Variants in DNAH8 observed in about 807,000 individuals in gnomAD.
The protein encoded by DNAH8 is axonemal beta dynein heavy chain 8.
A neutral mutation model predicts 562.1 loss-of-function variants in DNAH8; 382 were observed. That is an observed-to-expected ratio of 0.68 (90% CI 0.63 to 0.74). DNAH8 has a LOEUF of 0.74. DNAH8 is among the 30% of genes least tolerant of loss of function. The pLI, the probability that DNAH8 is intolerant of heterozygous loss-of-function variation, is 0.00. For synonymous variants in DNAH8, 1,881 were observed against 1,919.4 expected, an observed-to-expected ratio of 0.98 and a Z score of 0.52; for missense variants, 5,203 against 5,620.4, an observed-to-expected ratio of 0.93 and a Z score of 2.37.
chr6:38,745,786 T>C (rs1430053216), intron 8 of DNAH8, among the ~76,000 whole-genome samples: 1 of 152,192 alleles, frequency 6.6e-6, no homozygotes, highest in Non-Finnish European at 1.5e-5. Context: ...GTCAGTTATT[T>C]AGGAGAATGT....
At chr6:38,941,972 C>T (rs892257720) in intron 79 of DNAH8, among the ~76,000 whole-genome samples, 17 of 152,174 alleles carry the variant, frequency 1.1e-4, no homozygotes, top group African/African-American at 3.9e-4. Flanking sequence ...GTAGAGCTCT[C>T]GTGAATGGGG....
At chr6:38,838,897 G>A (rs892541655) in intron 33 of DNAH8, among the ~76,000 whole-genome samples, 23 of 152,196 alleles carry the variant, frequency 1.5e-4, no homozygotes, top group African/African-American at 5.3e-4. Flanking sequence ...TACAGTGATA[G>A]TATTAGCTCA....
chr6:38,889,567 T>C (rs938366725), intron 57 of DNAH8, among the ~76,000 whole-genome samples: 1 of 152,188 alleles, frequency 6.6e-6, no homozygotes, highest in Admixed American at 6.5e-5. Flanking sequence ...TTTAAACAAA[T>C]ACGGAAAACA....
intron 65 of DNAH8, 34 bp downstream of exon 65, chr6:38,909,778 A>T: frequency 6.5e-7 from 1 of 1,535,298 alleles, no homozygotes; most frequent in African/African-American, 1.4e-5. Context: ...ATCGCTATGG[A>T]ACCACAGCAT....
In DNAH8 at chr6:38,830,337, A is replaced by G. The variant is rs940258331; in HGVS notation, c.4189-1985A>G. On this transcript the variant is annotated intron_variant, in intron 30 of 92. Transcript: ENST00000327475. The stretch of plus-strand genomic sequence containing the variant: ...ATTTATACACCAAAATTAGACATTA[A>G]AAATGAACTCCAAGGGGCCAGGCAT... Among the ~76,000 whole-genome samples the G allele has an allele frequency of 7.2e-5, 11 of 152,132 alleles. No homozygotes were observed. The South Asian group carries it at 2.1e-3, about 29-fold the overall frequency.
chr6:38,742,380 C>T (rs547186846), intron 8 of DNAH8, among the ~76,000 whole-genome samples: 1 of 152,242 alleles, frequency 6.6e-6, no homozygotes, highest in Admixed American at 6.5e-5. Context: ...TCACTGCAGC[C>T]TCCACCTCCC....
Position 38,866,877 on chromosome 6 carries a change from G to A in DNAH8, c.6693+1G>A, listed in dbSNP as rs979210839. On this transcript the variant is annotated splice_donor_variant, in intron 47 of 92. Transcript: ENST00000327475. LOFTEE classifies it high-confidence loss of function. ...CTGTGAAGAGCAACTTACTAAACAG[G>A]TAACTTTATAGATCTGCTTTCCTCC... 2 of 1,579,138 alleles carry A rather than the reference G, an allele frequency of 1.3e-6. No individual in the cohort carries two copies. The highest frequency in any genetic ancestry group is 1.7e-6 in the Non-Finnish European group (2 of 1,150,894).
chr6:38,760,626 G>C (rs1766400920), intron 10 of DNAH8, among the ~76,000 whole-genome samples: 1 of 152,152 alleles, frequency 6.6e-6, no homozygotes, highest in Non-Finnish European at 1.5e-5. Context: ...GTTGAAATGT[G>C]ATCCTCAGTG....
chr6:38,794,779 C>T (rs1738241), intron 21 of DNAH8, among the ~76,000 whole-genome samples: 64,765 of 151,942 alleles, frequency 0.43, 14,884 homozygotes, highest in East Asian at 0.84. Flanking sequence ...TTACATAATA[C>T]GGATTTAGTA....
intron 11 of DNAH8, chr6:38,763,075 G>A (rs867792570): frequency 5.5e-6 from 2 of 366,182 alleles, no homozygotes; most frequent in Non-Finnish European, 1.1e-5. Flanking sequence ...ATCATGGAAA[G>A]CAGCCAGTGA....
intron 26 of DNAH8, among the ~76,000 whole-genome samples, chr6:38,820,847 G>A (rs921785457): frequency 6.6e-6 from 1 of 152,164 alleles, no homozygotes; most frequent in African/African-American, 2.4e-5. Context: ...TCTGGGAATA[G>A]AATTGAACTT....
intron 91 of DNAH8, among the ~76,000 whole-genome samples, chr6:39,023,486 C>G (rs1194541207): frequency 2.0e-5 from 3 of 152,090 alleles, no homozygotes; most frequent in Non-Finnish European, 2.9e-5. Flanking sequence ...GAGCGAGACA[C>G]CGTCTAAAAA....
rs1187828600 is a variant in DNAH8, at chr6:38,925,920, C to T, written c.10963-135C>T. The stretch of plus-strand genomic sequence containing the variant: ...TCACATTTACAAGTTTGCTTTTTTT[C>T]GAAGTACAAGTTGCATAGTCTCAAA... On this transcript the variant is annotated intron_variant, in intron 73 of 92. Coordinates refer to ENST00000327475, the MANE Select transcript of DNAH8 (RefSeq NM_001206927.2). 19 of 776,186 alleles carry T rather than the reference C, an allele frequency of 2.4e-5. No individual in the cohort carries two copies. In the South Asian group the frequency reaches 2.9e-4, roughly 12 times the overall value. The allele number at this position is 776,186 out of a possible 1,614,324, so 48.1% of individuals were successfully genotyped here.
At chr6:38,976,471 TA>T (rs1208379534) in intron 85 of DNAH8, among the ~76,000 whole-genome samples, 2 of 152,240 alleles carry the variant, frequency 1.3e-5, no homozygotes, top group African/African-American at 2.4e-5. Context: ...TTTGTGTAAA[TA>T]TTTTTTTTAC....
chr6:39,013,553 T>C (rs1338190764), intron 91 of DNAH8, among the ~76,000 whole-genome samples: 1 of 152,158 alleles, frequency 6.6e-6, no homozygotes, highest in Non-Finnish European at 1.5e-5. Flanking sequence ...GGGCAGTGAT[T>C]AGAAAAAGGC....
At chr6:38,890,864 GT>G in intron 58 of DNAH8, 103 bp downstream of exon 58, 3 of 769,412 alleles carry the variant, frequency 3.9e-6, no homozygotes, top group Non-Finnish European at 6.5e-6. Flanking sequence ...ATATAGTGGT[GT>G]TTTTTGGAAA....
At chr6:39,009,301 T>C (rs12524405) in intron 89 of DNAH8, among the ~76,000 whole-genome samples, 14,797 of 148,720 alleles carry the variant, frequency 0.099, 840 homozygotes, top group Admixed American at 0.18. Context: ...TAAGCTGTGC[T>C]AAAAAAAAAA....
intron 58 of DNAH8, among the ~76,000 whole-genome samples, chr6:38,891,874 C>G (rs1475929084): frequency 6.6e-6 from 1 of 152,200 alleles, no homozygotes; most frequent in African/African-American, 2.4e-5. Context: ...TTCTTTACCT[C>G]TTTAATCCAT....
At position 38,789,803 on chromosome 6, in the gene DNAH8, G is replaced by C; in HGVS notation, c.2584G>C (p.Gly862Arg). Residue 862 changes from glycine (G) to arginine (R), a missense_variant and splice_region_variant, in exon 19 of 93, where the codon GGT (glycine) becomes CGT (arginine). Physicochemically the swap from Gly to Arg is moderately radical, Grantham distance 125. Transcript: ENST00000327475. ...AACATGCCATTTCAACTTCCTACAG[G>C]GTCTTCTGCAATATTATGATGAGTT... is the stretch of plus-strand genomic sequence containing the variant. ...KLKADKLYLQ[G>R]LLQYYDELCQ... is the part of the protein sequence containing the mutation. 6.2e-7 allele frequency: 1 copy of C among 1,601,828 alleles called. No homozygotes were observed. Among genetic ancestry groups the C allele is most frequent in the Middle Eastern group, 1.7e-4 (1 of 6,028 alleles).
Sources: gnomAD v4.1 joint callset for allele counts (sites outside exome capture counted in the v4.1 genomes callset) on GRCh38, gnomAD v4.1.1 for gene constraint, MANE v1.5 for transcripts, NCBI Gene and HGNC (gene_info 2026-07-23, HGNC 2026-07-21) for gene names.